IGF1R: variants seen among roughly 807,000 people sequenced by gnomAD.
IGF1R encodes the protein insulin like growth factor 1 receptor.
In IGF1R, 44 loss-of-function variants were observed where a neutral mutation model predicts 144.6. The ratio of observed to expected loss-of-function variants is 0.30; its 90% CI spans 0.24 to 0.39. The LOEUF (loss-of-function observed/expected upper bound fraction) is 0.39, where lower values mean the gene tolerates loss of function less well. IGF1R is among the 10% of genes least tolerant of loss of function. The pLI, the probability that IGF1R is intolerant of heterozygous loss-of-function variation, is 1.00. For synonymous variants in IGF1R, 795 were observed against 722.8 expected (o/e 1.10, Z -1.60); for missense variants, 1,355 against 1,833.7 (o/e 0.74, Z 4.77).
chr15:98,694,475 C>A (rs1013974058), intron 1 of IGF1R, among the ~76,000 whole-genome samples: 1 of 151,992 alleles, frequency 6.6e-6, no homozygotes, highest in Non-Finnish European at 1.5e-5. Context: ...TTGTGGCCAC[C>A]TGACTTTCCC....
intron 5 of IGF1R, among the ~76,000 whole-genome samples, chr15:98,904,196 C>T (rs771591698): frequency 2.0e-5 from 3 of 151,906 alleles, no homozygotes; most frequent in African/African-American, 4.8e-5. Flanking sequence ...GGACTACAGG[C>T]GCTCACCACC....
intron 2 of IGF1R, among the ~76,000 whole-genome samples, chr15:98,722,251 A>G (rs1050841821): frequency 6.6e-6 from 1 of 152,200 alleles, no homozygotes; most frequent in South Asian, 2.1e-4. Context: ...GACTTTTGCC[A>G]GAAGAGAAAT....
At chr15:98,678,856 G>A (rs2053114730) in intron 1 of IGF1R, among the ~76,000 whole-genome samples, 1 of 151,426 alleles carries the variant, frequency 6.6e-6, no homozygotes, top group Non-Finnish European at 1.5e-5. Context: ...TTTTGTGACA[G>A]CTTTAAAAAA....
chr15:98,821,973 A>G (rs1304558367), intron 2 of IGF1R, among the ~76,000 whole-genome samples: 2 of 152,242 alleles, frequency 1.3e-5, no homozygotes, highest in African/African-American at 4.8e-5. Flanking sequence ...TAAAAGGTAT[A>G]TGAAGTGCTA....
intron 2 of IGF1R, among the ~76,000 whole-genome samples, chr15:98,878,907 A>T (rs1217758236): frequency 6.6e-6 from 1 of 151,914 alleles, no homozygotes; most frequent in Non-Finnish European, 1.5e-5. Flanking sequence ...GAGGCAGGAG[A>T]ATTGCTTGAA....
intron 2 of IGF1R, among the ~76,000 whole-genome samples, chr15:98,717,018 G>A (rs553185171): frequency 1.1e-4 from 16 of 152,272 alleles, no homozygotes; most frequent in South Asian, 8.3e-4. Context: ...CTCCACATGC[G>A]GATGTACAGC....
rs902981309 is a variant in IGF1R, at chr15:98,934,299, T to G, written c.2957-525T>G. 4.1e-4 allele frequency among the ~76,000 whole-genome samples: 62 copies of G among 152,258 alleles called. 1 individual carries two copies. The Middle Eastern group carries it at 0.01, about 25-fold the overall frequency. ...TTCATCCAAGAAGTAGGACCTTACG[T>G]GCACCATCATCACCTCTCATATGTG... On this transcript the variant is annotated intron_variant, in intron 15 of 20. Coordinates refer to ENST00000650285, the MANE Select transcript of IGF1R (RefSeq NM_000875.5).
chr15:98,694,343 C>G (rs565495827), intron 1 of IGF1R, among the ~76,000 whole-genome samples: 1 of 152,284 alleles, frequency 6.6e-6, no homozygotes, highest in African/African-American at 2.4e-5. Context: ...TAATCCTCCA[C>G]GACAATCCAT....
Position 98,704,887 on chromosome 15 carries a change from A to G in IGF1R, c.95-2675A>G, listed in dbSNP as rs1023943776. Among the ~76,000 whole-genome samples, 1 of 152,102 alleles carries G rather than the reference A, an allele frequency of 6.6e-6. No individual in the cohort carries two copies. Among genetic ancestry groups the G allele is most frequent in the African/African-American group, 2.4e-5 (1 of 41,412 alleles). On this transcript the variant is annotated intron_variant, in intron 1 of 20. Coordinates refer to ENST00000650285, the MANE Select transcript of IGF1R (RefSeq NM_000875.5). This position sits in a 1 kb window ranked among gnomAD's most constrained non-coding sequence, Gnocchi z 4.9. ...CGGAAGCCCTGAGGTCTGTTGCTGGACTAGATATGTGAGGTGTGAGAGGAG... is the reference window on the plus strand; with the variant it reads ...CGGAAGCCCTGAGGTCTGTTGCTGGGCTAGATATGTGAGGTGTGAGAGGAG...
At chr15:98,674,584 C>T (rs549133543) in intron 1 of IGF1R, among the ~76,000 whole-genome samples, 3 of 152,270 alleles carry the variant, frequency 2.0e-5, no homozygotes, top group South Asian at 4.1e-4. Context: ...GCAGCTATGA[C>T]GAACAGCGAA....
intron 20 of IGF1R, among the ~76,000 whole-genome samples, chr15:98,956,197 G>T (rs2016975461): frequency 6.6e-6 from 1 of 152,238 alleles, no homozygotes; most frequent in Admixed American, 6.5e-5. Context: ...GACTCCCTTT[G>T]CTCCATGTGA....
chr15:98,852,464 T>C (rs2011573256), intron 2 of IGF1R, among the ~76,000 whole-genome samples: 1 of 152,198 alleles, frequency 6.6e-6, no homozygotes, highest in Non-Finnish European at 1.5e-5. Context: ...AATTCCACCT[T>C]TCCGCGGGGC....
chr15:98,779,898 C>A (rs968154724), intron 2 of IGF1R, among the ~76,000 whole-genome samples: 1 of 152,118 alleles, frequency 6.6e-6, no homozygotes, highest in Non-Finnish European at 1.5e-5. Context: ...CCTCCAGGCT[C>A]GGAGGGCAAG....
intron 1 of IGF1R, among the ~76,000 whole-genome samples, chr15:98,700,173 G>C (rs2053691821): frequency 1.3e-5 from 2 of 152,142 alleles, no homozygotes; most frequent in African/African-American, 4.8e-5. Context: ...AGAAACCCAT[G>C]CTCTCTCTTC....
In IGF1R at chr15:98,676,540, C is replaced by T. The variant is rs547375028; in HGVS notation, c.94+26865C>T. 1.9e-4 allele frequency among the ~76,000 whole-genome samples: 29 copies of T among 151,946 alleles called. No individual in the cohort carries two copies. The South Asian group carries it at 5.6e-3, about 29-fold the overall frequency. On this transcript the variant is annotated intron_variant, in intron 1 of 20. Coordinates refer to ENST00000650285, the MANE Select transcript of IGF1R (RefSeq NM_000875.5). ...GCTTCATTATACATGTTAACATCTG[C>T]TAGGAAGAATCTCCACTCAGGTTAA...
chr15:98,874,918 C>T (rs1256538605), intron 2 of IGF1R, among the ~76,000 whole-genome samples: 1 of 152,192 alleles, frequency 6.6e-6, no homozygotes, highest in Middle Eastern at 3.2e-3. Context: ...CATTGCAGAG[C>T]CTGGCTCGTG....
At chr15:98,722,309 G>A (rs1177314985) in intron 2 of IGF1R, among the ~76,000 whole-genome samples, 1 of 152,182 alleles carries the variant, frequency 6.6e-6, no homozygotes, top group Middle Eastern at 3.2e-3. Context: ...TTCCACATTT[G>A]GAACTTTGGA....
intron 2 of IGF1R, among the ~76,000 whole-genome samples, chr15:98,814,269 C>T (rs2056649804): frequency 6.6e-6 from 1 of 151,966 alleles, no homozygotes. Flanking sequence ...CACTTTGGAG[C>T]AACACTTACC....
chr15:98,924,713 G>C (rs1273403168), intron 13 of IGF1R, 29 bp downstream of exon 13: 2 of 1,602,448 alleles, frequency 1.2e-6, no homozygotes, highest in African/African-American at 2.7e-5. Context: ...GAAGAAACGT[G>C]GTAAAACTGA....
Sources: gnomAD v4.1 joint callset for allele counts (sites outside exome capture counted in the v4.1 genomes callset) on GRCh38, gnomAD v4.1.1 for gene constraint, Gnocchi (gnomAD v3.1) non-coding constraint, MANE v1.5 for transcripts, NCBI Gene and HGNC (gene_info 2026-07-23, HGNC 2026-07-21) for gene names.